ACSL1: variants seen among roughly 807,000 people sequenced by gnomAD.
The protein encoded by ACSL1 is acyl-CoA synthetase long chain family member 1.
A neutral mutation model predicts 98.4 loss-of-function variants in ACSL1; 41 were observed. The ratio of observed to expected loss-of-function variants is 0.42; its 90% CI spans 0.32 to 0.54. ACSL1 has a LOEUF of 0.54. Among genes scored for constraint, ACSL1 ranks in the 20% least tolerant of loss-of-function variants. The pLI, the probability that ACSL1 is intolerant of heterozygous loss-of-function variation, is 0.13. For missense variants in ACSL1, 734 were observed against 883.1 expected (o/e 0.83, Z 2.14); for synonymous variants, 316 against 322.7 (o/e 0.98, Z 0.22).
intron 7 of ACSL1, among the ~76,000 whole-genome samples, chr4:184,775,993 G>A (rs1001557057): frequency 1.3e-5 from 2 of 152,136 alleles, no homozygotes; most frequent in African/African-American, 2.4e-5. Flanking sequence ...CTTGTGATTG[G>A]TATGACTCTT....
intron 2 of ACSL1, among the ~76,000 whole-genome samples, chr4:184,797,204 C>T (rs1397926984): frequency 1.3e-5 from 2 of 152,218 alleles, no homozygotes; most frequent in African/African-American, 2.4e-5. Context: ...AAGGGTGTCT[C>T]GCCGCCCTTA....
At chr4:184,795,018 C>G (rs1421426707) in intron 2 of ACSL1, among the ~76,000 whole-genome samples, 1 of 152,106 alleles carries the variant, frequency 6.6e-6, no homozygotes, top group Non-Finnish European at 1.5e-5. Context: ...CAGCTGACCA[C>G]AAACCCGCCT....
chr4:184,774,626 T>C (rs1041242766), intron 7 of ACSL1, among the ~76,000 whole-genome samples: 27 of 152,210 alleles, frequency 1.8e-4, no homozygotes, highest in Non-Finnish European at 1.8e-4. Flanking sequence ...CTTTAATATC[T>C]ATTAATTTTA....
chr4:184,796,807 A>G (rs144504010), intron 2 of ACSL1, among the ~76,000 whole-genome samples: 1 of 152,242 alleles, frequency 6.6e-6, no homozygotes, highest in African/African-American at 2.4e-5. Flanking sequence ...TACATTTACA[A>G]ATGACTGTAG....
chr4:184,808,639 A>T (rs936469178), intron 1 of ACSL1: 1 of 313,996 alleles, frequency 3.2e-6, no homozygotes, highest in Non-Finnish European at 4.6e-6. Context: ...TTCAGGGAGG[A>T]ACAAGAGAGC....
intron 15 of ACSL1, 82 bp downstream of exon 15, chr4:184,764,771 T>TTCC: frequency 8.0e-7 from 1 of 1,250,572 alleles, no homozygotes; most frequent in Non-Finnish European, 1.1e-6. Flanking sequence ...AATGAACCAG[T>TTCC]CAGTGATTAA....
chr4:184,768,821 G>A (rs911334136), intron 11 of ACSL1, among the ~76,000 whole-genome samples: 2 of 152,106 alleles, frequency 1.3e-5, no homozygotes, highest in East Asian at 3.9e-4. Flanking sequence ...TATAATCCCA[G>A]CACTTTGGGA....
Position 184,773,779 on chromosome 4 carries a change from G to T in ACSL1, c.789+64C>A, listed in dbSNP as rs1764861271. 6.2e-7 allele frequency: 1 copy of T among 1,611,432 alleles called. No individual in the cohort carries two copies. Among genetic ancestry groups the T allele is most frequent in the African/African-American group, 1.3e-5 (1 of 74,616 alleles). On this transcript the variant is annotated intron_variant, in intron 8 of 20. Transcript: ENST00000281455. This position sits in a 1 kb window ranked among gnomAD's most constrained non-coding sequence, Gnocchi z 4.3. Reference sequence around the variant, plus strand: ...CAGAAAAGAGAACTATAAGCCACAAGGTACCAGGCTAGATATTGAAAACTA... The same window carrying T: ...CAGAAAAGAGAACTATAAGCCACAATGTACCAGGCTAGATATTGAAAACTA...
intron 1 of ACSL1, among the ~76,000 whole-genome samples, chr4:184,807,727 T>C (rs1488210735): frequency 6.6e-6 from 1 of 152,248 alleles, no homozygotes; most frequent in Non-Finnish European, 1.5e-5. Context: ...CTTAGTGTTT[T>C]GGAAAGGCTT....
rs200209968 is a variant in ACSL1 at position 184,762,474 on chromosome 4, G to A, written c.1571C>T (p.Ala524Val). ...TTTGTCCAAAGCTTCTGCTGTTTTCGCTGGGTCCTTCAAGTAGCCCTGAAA... is the reference window on the plus strand; with the variant it reads ...TTTGTCCAAAGCTTCTGCTGTTTTCACTGGGTCCTTCAAGTAGCCCTGAAA... ...NVFQGYLKDP[A>V]KTAEALDKDG... The change falls in exon 17 of 21, where the codon GCG becomes GTG. Residue 524 changes from alanine to valine, a missense_variant. Physicochemically the swap from Ala to Val is moderately conservative, Grantham distance 64. Coordinates refer to ENST00000281455, the MANE Select transcript of ACSL1 (RefSeq NM_001995.5). 25 of 1,614,160 alleles carry A rather than the reference G, an allele frequency of 1.5e-5. No individual in the cohort carries two copies. Among genetic ancestry groups the A allele is most frequent in the East Asian group, 8.9e-5 (4 of 44,880 alleles).
intron 1 of ACSL1, among the ~76,000 whole-genome samples, chr4:184,811,712 A>T (rs1772136551): frequency 6.6e-6 from 1 of 152,104 alleles, no homozygotes; most frequent in Non-Finnish European, 1.5e-5. Flanking sequence ...GGATGACGAA[A>T]CATTCTGGAA....
intron 2 of ACSL1, among the ~76,000 whole-genome samples, chr4:184,801,811 G>A (rs542061207): frequency 6.6e-6 from 1 of 152,194 alleles, no homozygotes. Flanking sequence ...GAGAACATAT[G>A]TAATTATTTT....
chr4:184,768,317 C>T lies in ACSL1; in HGVS notation c.1127G>A (p.Arg376Gln), dbSNP rs200742124. Residue 376 changes from arginine (R) to glutamine (Q), a missense_variant and splice_region_variant, in exon 12 of 21, where the codon CGA (arginine) becomes CAA (glutamine). Physicochemically the swap from Arg to Gln is conservative, Grantham distance 43. Transcript: ENST00000281455. The stretch of plus-strand genomic sequence containing the variant: ...GGGACTTCGCTGCTTGGAACTTACT[C>T]GGTCAAACATCCGGTTCAGCAGTCT... ...VPRLLNRMFD[R>Q]IFGQANTTLK... 1.2e-4 allele frequency: 190 copies of T among 1,611,194 alleles called. No homozygotes were observed. The Middle Eastern group carries it at 1.3e-3, about 11-fold the overall frequency.
intron 10 of ACSL1, among the ~76,000 whole-genome samples, chr4:184,770,702 A>C (rs954505777): frequency 6.6e-6 from 1 of 152,184 alleles, no homozygotes; most frequent in African/African-American, 2.4e-5. Flanking sequence ...AACTTAAAGT[A>C]TAATAATAAT....
chr4:184,806,132 G>A (rs1304245473), intron 1 of ACSL1, among the ~76,000 whole-genome samples: 3 of 152,164 alleles, frequency 2.0e-5, no homozygotes, highest in Non-Finnish European at 4.4e-5. Context: ...ACCTGGTCTA[G>A]GCTTTCAGTG....
At chr4:184,805,481 C>T in intron 1 of ACSL1, 1 of 985,458 alleles carries the variant, frequency 1.0e-6, no homozygotes, top group South Asian at 4.7e-5. Context: ...TTTCTTCAGG[C>T]CATGGTTCTG....
rs903830410 is a variant in ACSL1 at position 184,756,241 on chromosome 4, GA to G, written c.*883del. ...CTTTACACAGAGTGAGTGGTTCAGT[GA>G]AGATAAAGTAGACAGTTATTCAGGC... On this transcript the variant is annotated 3_prime_UTR_variant, in exon 21 of 21. Coordinates refer to ENST00000281455, the MANE Select transcript of ACSL1 (RefSeq NM_001995.5). 6.6e-6 allele frequency: 1 copy of G among 152,654 alleles called. No homozygotes were observed. The highest frequency in any genetic ancestry group is 1.5e-5 in the Non-Finnish European group (1 of 68,034). The allele number at this position is 152,654 out of a possible 1,614,324, so 9.5% of individuals were successfully genotyped here.
intron 11 of ACSL1, 21 bp downstream of exon 11, chr4:184,770,378 A>G (rs772672796): frequency 1.7e-5 from 28 of 1,612,350 alleles, no homozygotes; most frequent in Non-Finnish European, 2.0e-5. Context: ...ACAAGCAAGG[A>G]AAACAAAATT....
In ACSL1 at chr4:184,757,746, G is replaced by A. The variant is rs1561166908; in HGVS notation, c.1885-40C>T. 1 of 1,610,258 alleles carries A rather than the reference G, an allele frequency of 6.2e-7. No individual in the cohort carries two copies. Among genetic ancestry groups the A allele is most frequent in the Non-Finnish European group, 8.5e-7 (1 of 1,176,722 alleles). ...AAAATAAATTACTTCCTCTGTTAGA[G>A]GTCCCTGAATATCTACAGGTACATT... is the stretch of plus-strand genomic sequence containing the variant. On this transcript the variant is annotated intron_variant, in intron 19 of 20. Transcript: ENST00000281455. This position sits in a 1 kb window ranked among gnomAD's most constrained non-coding sequence, Gnocchi z 4.5.
Sources: allele counts gnomAD v4.1 joint callset (sites outside exome capture counted in the v4.1 genomes callset), GRCh38; gene constraint gnomAD v4.1.1; non-coding constraint Gnocchi (gnomAD v3.1); transcripts MANE v1.5; gene names NCBI Gene and HGNC (gene_info 2026-07-23, HGNC 2026-07-21).